Variants in EDC4 observed in about 807,000 individuals in gnomAD.
EDC4 encodes the protein enhancer of mRNA decapping 4, also known as enhancer of mRNA-decapping protein 4.
A neutral mutation model predicts 155.8 loss-of-function variants in EDC4; 64 were observed. That is an observed-to-expected ratio of 0.41 (90% CI 0.34 to 0.51). The LOEUF (loss-of-function observed/expected upper bound fraction) is 0.51, where lower values mean the gene tolerates loss of function less well. Ranked by LOEUF, EDC4 falls within the 20% of genes least tolerant of loss-of-function variation. EDC4 has a pLI of 0.19. For synonymous variants in EDC4, 684 were observed against 716.8 expected, an observed-to-expected ratio of 0.95 and a Z score of 0.73; for missense variants, 1,303 against 1,812.5, an observed-to-expected ratio of 0.72 and a Z score of 5.10.
At position 67,876,370 on chromosome 16, in the gene EDC4, G is replaced by A. The variant is rs546731952; in HGVS notation, c.240-118G>A. ...TGGGTCTGGGGCCAGTGGACCAGGC[G>A]AAGCTGACATTGGACTAGATACCTT... On this transcript the variant is annotated intron_variant, in intron 2 of 28. Coordinates refer to ENST00000358933, the MANE Select transcript of EDC4 (RefSeq NM_014329.5). The surrounding 1 kb of genome is among the most constrained non-coding windows in gnomAD (Gnocchi z 5.8). 7 of 1,465,724 alleles carry A rather than the reference G, an allele frequency of 4.8e-6. No individual in the cohort carries two copies. Among genetic ancestry groups the A allele is most frequent in the Admixed American group, 2.3e-5 (1 of 43,296 alleles). 90.8% of individuals were successfully genotyped at this position (1,465,724 alleles called of 1,614,324 possible). A position where few individuals can be genotyped will look rare whatever the true frequency, so the allele number is the denominator to read the frequency against.
At chr16:67,873,596 G>T (rs780881062) in intron 1 of EDC4, 3 of 396,630 alleles carry the variant, frequency 7.6e-6, no homozygotes, top group African/African-American at 4.2e-5. Flanking sequence ...CTCTGAATCC[G>T]CTGGGGCCCT....
chr16:67,883,870 G>C lies in EDC4; in HGVS notation c.4014-86G>C. ...CAGTCCTTTCTGCCTTCACCCAGAG[G>C]GTTCCCTCTGGGCCTCGGTGCCACC... On this transcript the variant is annotated intron_variant, in intron 28 of 28. Coordinates refer to ENST00000358933, the MANE Select transcript of EDC4 (RefSeq NM_014329.5). This position sits in a 1 kb window ranked among gnomAD's most constrained non-coding sequence, Gnocchi z 5.3. 3.3e-6 allele frequency: 5 copies of C among 1,535,388 alleles called. No individual in the cohort carries two copies. The highest frequency in any genetic ancestry group is 4.4e-6 in the Non-Finnish European group (5 of 1,136,964).
rs1443191167 is a variant in EDC4, at chr16:67,881,517, G to A, written c.2810G>A (p.Arg937Gln). The A allele has an allele frequency of 6.2e-6, 10 of 1,613,974 alleles. No individual in the cohort carries two copies. The highest frequency in any genetic ancestry group is 2.2e-5 in the East Asian group (1 of 44,888). Residue 937 changes from arginine to glutamine, a missense_variant, in exon 21 of 29, where the codon CGG becomes CAG. Around this residue, in one of 5 missense-constraint regions of EDC4, gnomAD observed 527 missense variants for 757.0 expected, o/e 0.70. Transcript: ENST00000358933. The surrounding 1 kb of genome is among the most constrained non-coding windows in gnomAD (Gnocchi z 5.4). ...GGCAGGGATGCAGCCATGGGATCCC[G>A]GCTCACAGAGCACCAGGTAAGTGAA... Reference protein sequence around the residue: ...KDDGDAAMGSRLTEHQVAEPP... With the variant: ...KDDGDAAMGSQLTEHQVAEPP...
In EDC4 at chr16:67,879,986, A is replaced by G; in HGVS notation, c.1943+15A>G. On this transcript the variant is annotated intron_variant, in intron 16 of 28. Coordinates refer to ENST00000358933, the MANE Select transcript of EDC4 (RefSeq NM_014329.5). This position sits in a 1 kb window ranked among gnomAD's most constrained non-coding sequence, Gnocchi z 6.0. ...TCCTTGACCAGGTGAGGCAAGGGTCAGAGATGGAGGATGGCAGGGGCTGGT... is the reference window on the plus strand; with the variant it reads ...TCCTTGACCAGGTGAGGCAAGGGTCGGAGATGGAGGATGGCAGGGGCTGGT... The G allele has an allele frequency of 6.3e-7, 1 of 1,599,076 alleles. No individual in the cohort carries two copies.
rs745858078 is a variant in EDC4, at chr16:67,882,467, A to G, written c.3315A>G (p.Thr1105=). The change falls in exon 25 of 29, where the codon ACA becomes ACG. Residue 1105 remains threonine (T), a synonymous_variant. Coordinates refer to ENST00000358933, the MANE Select transcript of EDC4 (RefSeq NM_014329.5). The surrounding 1 kb of genome is among the most constrained non-coding windows in gnomAD (Gnocchi z 7.2). The part of the protein sequence containing the change: ...TDAIARAAAD[T]LQGPMQAAYR... ...CCATCGCCCGAGCAGCTGCAGACAC[A>G]TTACAAGGGCCGATGCAGGCTGCCT... 4 of 1,614,062 alleles carry G rather than the reference A, an allele frequency of 2.5e-6. No homozygotes were observed. Among genetic ancestry groups the G allele is most frequent in the South Asian group, 1.1e-5 (1 of 91,088 alleles).
rs778757541 is a variant in EDC4 at position 67,878,630 on chromosome 16, C to T, written c.1183C>T (p.Arg395Cys). The stretch of plus-strand genomic sequence containing the variant: ...ATCCTGGACCTGCCTGCAGACTATT[C>T]GGTAAGCAGTGGCTGGAAGGCTGGG... The part of the protein sequence containing the change: ...TVSWTCLQTI[R>C]FSPDIFSSVS... The change falls in exon 10 of 29, where the codon CGC becomes TGC. Residue 395 changes from arginine to cysteine, a missense_variant and splice_region_variant. Physicochemically the swap from Arg to Cys is radical, Grantham distance 180 (BLOSUM62 -3). This residue lies in a region of EDC4 where 235 missense variants were observed against 367.7 expected (regional missense o/e 0.64). Coordinates refer to ENST00000358933, the MANE Select transcript of EDC4 (RefSeq NM_014329.5). The surrounding 1 kb of genome is among the most constrained non-coding windows in gnomAD (Gnocchi z 5.2). 5.5e-5 allele frequency: 88 copies of T among 1,614,002 alleles called. No homozygotes were observed. The Admixed American group carries it at 1.1e-3, about 20-fold the overall frequency.
Position 67,881,142 on chromosome 16 carries a change from G to A in EDC4, c.2598G>A (p.Leu866=). The A allele has an allele frequency of 6.2e-7, 1 of 1,614,146 alleles. No homozygotes were observed. The highest frequency in any genetic ancestry group is 1.1e-5 in the South Asian group (1 of 91,092). The change falls in exon 19 of 29, where the codon CTG becomes CTA. Residue 866 remains leucine (L), a synonymous_variant. Transcript: ENST00000358933. The surrounding 1 kb of genome is among the most constrained non-coding windows in gnomAD (Gnocchi z 5.4). ...LAFHRPPYHL[L]QQRDSQDASA... is the part of the protein sequence containing the mutation. Reference sequence around the variant, plus strand: ...TCCACCGACCACCATATCACCTGCTGCAGCAACGTGACAGCCAGGATGCCA... The same window carrying A: ...TCCACCGACCACCATATCACCTGCTACAGCAACGTGACAGCCAGGATGCCA...
Position 67,877,484 on chromosome 16 carries a change from A to C in EDC4, c.642-25A>C, listed in dbSNP as rs536415033. On this transcript the variant is annotated intron_variant, in intron 5 of 28. Coordinates refer to ENST00000358933, the MANE Select transcript of EDC4 (RefSeq NM_014329.5). The surrounding 1 kb of genome is among the most constrained non-coding windows in gnomAD (Gnocchi z 4.9). ...GGGTGTCACGCCTCTTCATTCATCT[A>C]TCTAGCCCTTAACACCCTGCTCAGA... 4.3e-6 allele frequency: 7 copies of C among 1,613,718 alleles called. No individual in the cohort carries two copies. Among genetic ancestry groups the C allele is most frequent in the Non-Finnish European group, 5.9e-6 (7 of 1,179,852 alleles).
In EDC4 at chr16:67,881,138, T is replaced by C; in HGVS notation, c.2594T>C (p.Leu865Pro). 6.2e-7 allele frequency: 1 copy of C among 1,614,144 alleles called. No homozygotes were observed. Among genetic ancestry groups the C allele is most frequent in the Non-Finnish European group, 8.5e-7 (1 of 1,180,032 alleles). Reference sequence around the variant, plus strand: ...GCCTTCCACCGACCACCATATCACCTGCTGCAGCAACGTGACAGCCAGGAT... The same window carrying C: ...GCCTTCCACCGACCACCATATCACCCGCTGCAGCAACGTGACAGCCAGGAT... ...SLAFHRPPYH[L>P]LQQRDSQDAS... The change falls in exon 19 of 29, where the codon CTG (leucine) becomes CCG (proline). Residue 865 changes from leucine (L) to proline (P), a missense_variant. Leu to Pro is a moderately conservative substitution (Grantham distance 98). Transcript: ENST00000358933. This position sits in a 1 kb window ranked among gnomAD's most constrained non-coding sequence, Gnocchi z 5.4.
In EDC4 at chr16:67,881,276, A is replaced by T; in HGVS notation, c.2648A>T (p.Asp883Val). 2 of 1,614,024 alleles carry T rather than the reference A, an allele frequency of 1.2e-6. No homozygotes were observed. Among genetic ancestry groups the T allele is most frequent in the Non-Finnish European group, 1.7e-6 (2 of 1,179,992 alleles). Residue 883 changes from aspartate to valine, a missense_variant, in exon 20 of 29, where the codon GAT becomes GTT. Asp to Val is a radical substitution (Grantham distance 152). Coordinates refer to ENST00000358933, the MANE Select transcript of EDC4 (RefSeq NM_014329.5). This position sits in a 1 kb window ranked among gnomAD's most constrained non-coding sequence, Gnocchi z 5.4. ...TCCCCTTCCCACAGTGACCATGATG[A>T]TGAGGTGGCCAGCCTTGCCTCTGCT... ...DASAEQSDHD[D>V]EVASLASASG... is the part of the protein sequence containing the mutation.
In EDC4 at chr16:67,880,235, G is replaced by A. The variant is rs1298650674; in HGVS notation, c.2097+19G>A. 6.3e-7 allele frequency: 1 copy of A among 1,581,704 alleles called. No homozygotes were observed. Among genetic ancestry groups the A allele is most frequent in the Non-Finnish European group, 8.6e-7 (1 of 1,165,632 alleles). On this transcript the variant is annotated intron_variant, in intron 17 of 28. Coordinates refer to ENST00000358933, the MANE Select transcript of EDC4 (RefSeq NM_014329.5). This position sits in a 1 kb window ranked among gnomAD's most constrained non-coding sequence, Gnocchi z 5.2. The stretch of plus-strand genomic sequence containing the variant: ...GGGCCAGGTGTGTGACTGGGTGTGT[G>A]TGTGAAGTGTGGGGAGCAGGTGGGC...
In EDC4 at chr16:67,879,484, C is replaced by T; in HGVS notation, c.1614C>T (p.His538=). Residue 538 remains histidine, a synonymous_variant, in exon 14 of 29, where the codon CAC becomes CAT. Coordinates refer to ENST00000358933, the MANE Select transcript of EDC4 (RefSeq NM_014329.5). The surrounding 1 kb of genome is among the most constrained non-coding windows in gnomAD (Gnocchi z 6.0). ...NPDVVAPLPT[H]TAHEDFTFGE... is the part of the protein sequence containing the mutation. ...ATGTGGTGGCCCCACTGCCCACCCACACTGCCCACGAGGACTTCAGTGAGT... is the reference window on the plus strand; with the variant it reads ...ATGTGGTGGCCCCACTGCCCACCCATACTGCCCACGAGGACTTCAGTGAGT... 6.2e-7 allele frequency: 1 copy of T among 1,614,204 alleles called. No homozygotes were observed. The highest frequency in any genetic ancestry group is 8.5e-7 in the Non-Finnish European group (1 of 1,180,030).
At position 67,877,168 on chromosome 16, in the gene EDC4, T is replaced by C. The variant is rs202129716; in HGVS notation, c.452-49T>C. ...AGGTGGGGCAGCGCTTCTCTGCTAC[T>C]GCCTGAGCCTGGATACGTATTCATG... On this transcript the variant is annotated intron_variant, in intron 4 of 28. Transcript: ENST00000358933. The surrounding 1 kb of genome is among the most constrained non-coding windows in gnomAD (Gnocchi z 4.9). The C allele has an allele frequency of 2.5e-5, 40 of 1,571,922 alleles. No individual in the cohort carries two copies. The African/African-American group carries it at 5.0e-4, about 20-fold the overall frequency.
rs754123817 is a variant in EDC4 at position 67,878,336 on chromosome 16, G to A, written c.1005-24G>A. On this transcript the variant is annotated intron_variant, in intron 8 of 28. Transcript: ENST00000358933. The surrounding 1 kb of genome is among the most constrained non-coding windows in gnomAD (Gnocchi z 5.2). ...GGTAGCCCACCCGACCACTCACTCA[G>A]GCCCCTCATCTGCCTACCTGCAGGT... 20 of 1,614,078 alleles carry A rather than the reference G, an allele frequency of 1.2e-5. No individual in the cohort carries two copies. In the East Asian group the frequency reaches 4.2e-4, roughly 34 times the overall value.
At position 67,882,287 on chromosome 16, in the gene EDC4, G is replaced by A; in HGVS notation, c.3236G>A (p.Gly1079Asp). 1 of 1,613,134 alleles carries A rather than the reference G, an allele frequency of 6.2e-7. No homozygotes were observed. The change falls in exon 24 of 29, where the codon GGC becomes GAC. Residue 1079 changes from glycine (G) to aspartate (D), a missense_variant. Gly to Asp is a moderately conservative substitution (Grantham distance 94). Around this residue, in one of 5 missense-constraint regions of EDC4, gnomAD observed 527 missense variants for 757.0 expected, o/e 0.70. Coordinates refer to ENST00000358933, the MANE Select transcript of EDC4 (RefSeq NM_014329.5). The surrounding 1 kb of genome is among the most constrained non-coding windows in gnomAD (Gnocchi z 7.2). The part of the protein sequence containing the change: ...SVATKLTAVE[G>D]SMKENISKLL... ...GCTACCAAGCTCACAGCTGTGGAGG[G>A]CAGCATGAAAGAGAACATCTCCAAG... is the stretch of plus-strand genomic sequence containing the variant.
intron 1 of EDC4, among the ~76,000 whole-genome samples, chr16:67,874,558 G>T (rs1247261154): frequency 2.6e-5 from 4 of 152,188 alleles, no homozygotes; most frequent in Non-Finnish European, 2.9e-5. Flanking sequence ...GTAGAGCCTG[G>T]CATGGCCAAC....
In EDC4 at chr16:67,880,509, T is replaced by A; in HGVS notation, c.2098-48T>A. The stretch of plus-strand genomic sequence containing the variant: ...ATGCCTCGTCTCTGTGCCCCCCATC[T>A]CTGCCTCACTTCCTGTCACTTAAGC... On this transcript the variant is annotated intron_variant, in intron 17 of 28. Transcript: ENST00000358933. This position sits in a 1 kb window ranked among gnomAD's most constrained non-coding sequence, Gnocchi z 5.2. 2 of 1,594,086 alleles carry A rather than the reference T, an allele frequency of 1.3e-6. No homozygotes were observed. The highest frequency in any genetic ancestry group is 1.7e-6 in the Non-Finnish European group (2 of 1,167,886).
In EDC4 at chr16:67,877,641, G is replaced by A; in HGVS notation, c.774G>A (p.Leu258=). ...CCEESSPTVA[L]LHEDRAEVWD... ...AGGAGAGCAGCCCAACAGTGGCCCT[G>A]CTGCATGAAGACCGGGTGAGGGGGC... Residue 258 remains leucine, a synonymous_variant, in exon 6 of 29, where the codon CTG becomes CTA. Transcript: ENST00000358933. This position sits in a 1 kb window ranked among gnomAD's most constrained non-coding sequence, Gnocchi z 4.9. 1 of 1,614,184 alleles carries A rather than the reference G, an allele frequency of 6.2e-7. No individual in the cohort carries two copies. The highest frequency in any genetic ancestry group is 8.5e-7 in the Non-Finnish European group (1 of 1,180,032).
rs750576281 is a variant in EDC4, at chr16:67,881,242, ACTC to A, written c.2637-17_2637-15del. 21 of 1,613,340 alleles carry A rather than the reference ACTC, an allele frequency of 1.3e-5. No individual in the cohort carries two copies. Among genetic ancestry groups the A allele is most frequent in the Non-Finnish European group, 1.7e-5 (20 of 1,179,848 alleles). ...ATGGGCAGCAAGTGGGCAGGGGCTTACTCCTCCTTCCCCTTCCCACAGTGACCA... is the reference window on the plus strand; with the variant it reads ...ATGGGCAGCAAGTGGGCAGGGGCTTACTCCTTCCCCTTCCCACAGTGACCA... On this transcript the variant is annotated intron_variant, in intron 19 of 28. Coordinates refer to ENST00000358933, the MANE Select transcript of EDC4 (RefSeq NM_014329.5). This position sits in a 1 kb window ranked among gnomAD's most constrained non-coding sequence, Gnocchi z 5.4.
Sources: gnomAD v4.1 joint callset for allele counts (sites outside exome capture counted in the v4.1 genomes callset) on GRCh38, gnomAD v4.1.1 for gene constraint, gnomAD v4.1.1 regional missense constraint, Gnocchi (gnomAD v3.1) non-coding constraint, MANE v1.5 for transcripts, NCBI Gene and HGNC (gene_info 2026-07-23, HGNC 2026-07-21) for gene names.